RNF19A: variants seen among roughly 807,000 people sequenced by gnomAD.
RNF19A encodes the protein ring finger protein 19A, RBR E3 ubiquitin protein ligase, also known as E3 ubiquitin-protein ligase RNF19A.
A neutral mutation model predicts 75.7 loss-of-function variants in RNF19A; 32 were observed. The ratio of observed to expected loss-of-function variants is 0.42; its 90% CI spans 0.32 to 0.57. The LOEUF is 0.57. Ranked by LOEUF, RNF19A falls within the 20% of genes least tolerant of loss-of-function variation. RNF19A has a pLI of 0.10. For missense variants in RNF19A, 782 were observed against 1,036.3 expected (o/e 0.75, Z 3.37); for synonymous variants, 335 against 345.2 (o/e 0.97, Z 0.33).
chr8:100,303,403 T>C (rs1269115047), intron 1 of RNF19A: 1 of 152,234 alleles, frequency 6.6e-6, no homozygotes, highest in Non-Finnish European at 1.5e-5. Flanking sequence ...TGAGGCTACC[T>C]GGATAATCCA....
intron 1 of RNF19A, among the ~76,000 whole-genome samples, chr8:100,304,695 A>G (rs1041279093): frequency 6.6e-6 from 1 of 152,180 alleles, no homozygotes; most frequent in African/African-American, 2.4e-5. Flanking sequence ...GCCTCTCCTG[A>G]TTCTATTTAA....
chr8:100,273,132 G>A (rs1820339462), intron 3 of RNF19A, among the ~76,000 whole-genome samples: 1 of 152,152 alleles, frequency 6.6e-6, no homozygotes, highest in Admixed American at 6.5e-5. Context: ...CTCCCAAAGT[G>A]CTGGGATTAC....
Position 100,325,573 on chromosome 8 carries a change from C to G in RNF19A, c.-243+10535G>C, listed in dbSNP as rs1012307934. Among the ~76,000 whole-genome samples the G allele has an allele frequency of 6.6e-6, 1 of 152,136 alleles. No homozygotes were observed. The highest frequency in any genetic ancestry group is 1.5e-5 in the Non-Finnish European group (1 of 68,026). ...ATCTAGTTCTCTGCCCTCAGCAGCA[C>G]CACACCTCTAGCCTACGCCCTGGGT... is the stretch of plus-strand genomic sequence containing the variant. On this transcript the variant is annotated intron_variant, in intron 1 of 3. Transcript: ENST00000519527. The surrounding 1 kb of genome is among the most constrained non-coding windows in gnomAD (Gnocchi z 4.3).
rs999206846 is a variant in RNF19A, at chr8:100,317,735, G to T, written c.-242-4363C>A. On this transcript the variant is annotated intron_variant, in intron 1 of 3. Transcript: ENST00000519527. The surrounding 1 kb of genome is among the most constrained non-coding windows in gnomAD (Gnocchi z 4.3). ...GGATGAGGTTGGCTCACGAGGTCTAGAGTGGCAGGATGCACTGGGGCAGGA... is the reference window on the plus strand; with the variant it reads ...GGATGAGGTTGGCTCACGAGGTCTATAGTGGCAGGATGCACTGGGGCAGGA... 6.6e-5 allele frequency among the ~76,000 whole-genome samples: 10 copies of T among 152,234 alleles called. No individual in the cohort carries two copies. The highest frequency in any genetic ancestry group is 2.2e-4 in the African/African-American group (9 of 41,456).
chr8:100,268,584 G>A, intron 5 of RNF19A: 1 of 373,932 alleles, frequency 2.7e-6, no homozygotes, highest in Admixed American at 4.6e-5. Context: ...TTTAAAGCAA[G>A]TCTGCTTTAT....
intron 5 of RNF19A, among the ~76,000 whole-genome samples, chr8:100,265,448 T>C (rs1385218208): frequency 6.6e-6 from 1 of 151,230 alleles, no homozygotes; most frequent in Non-Finnish European, 1.5e-5. Context: ...AGGACAGGTG[T>C]TAATAAGTAG....
intron 2 of RNF19A, among the ~76,000 whole-genome samples, chr8:100,276,013 A>G (rs915391320): frequency 6.6e-6 from 1 of 152,158 alleles, no homozygotes; most frequent in African/African-American, 2.4e-5. Flanking sequence ...AGAACTGTAG[A>G]TTCATGACTA....
At chr8:100,327,407 A>G (rs1336472893) in intron 1 of RNF19A, among the ~76,000 whole-genome samples, 2 of 151,848 alleles carry the variant, frequency 1.3e-5, no homozygotes, top group African/African-American at 4.8e-5. Context: ...GTGTGCCACC[A>G]TGCCCAGCTA....
rs1031764585 is a variant in RNF19A at position 100,269,571 on chromosome 8, T to C, written c.1028+298A>G. ...CTCACTCTGTGCCTAAATGATAAAA[T>C]TTATGTATGGGAAAATTAAATGAAA... On this transcript the variant is annotated intron_variant, in intron 4 of 9. Coordinates refer to ENST00000341084, the MANE Select transcript of RNF19A (RefSeq NM_183419.4). The surrounding 1 kb of genome is among the most constrained non-coding windows in gnomAD (Gnocchi z 5.7). 2.0e-5 allele frequency among the ~76,000 whole-genome samples: 3 copies of C among 152,122 alleles called. No homozygotes were observed. Among genetic ancestry groups the C allele is most frequent in the Non-Finnish European group, 4.4e-5 (3 of 67,986 alleles).
chr8:100,259,155 TGCC>T lies in RNF19A; in HGVS notation c.1915_1917del (p.Gly639del). On this transcript the variant is annotated inframe_deletion, in exon 10 of 10. Transcript: ENST00000341084. This position sits in a 1 kb window ranked among gnomAD's most constrained non-coding sequence, Gnocchi z 4.5. ...CCGCCAGCATGACTTCGGGTGGCAC[TGCC>T]ATCATCCACACTACTGCTTCCACTG... 6.2e-7 allele frequency: 1 copy of T among 1,614,200 alleles called. No homozygotes were observed.
In RNF19A at chr8:100,325,481, G is replaced by A. The variant is rs1442311974; in HGVS notation, c.-243+10627C>T. On this transcript the variant is annotated intron_variant, in intron 1 of 3. Coordinates refer to the RNF19A transcript ENST00000519527. The surrounding 1 kb of genome is among the most constrained non-coding windows in gnomAD (Gnocchi z 4.3). Reference sequence around the variant, plus strand: ...TGAGACCACACCTTGTCACCTCTAGGTCCTCCCTTTTCAGTAAGTGACCTC... The same window carrying A: ...TGAGACCACACCTTGTCACCTCTAGATCCTCCCTTTTCAGTAAGTGACCTC... Among the ~76,000 whole-genome samples the A allele has an allele frequency of 6.6e-6, 1 of 152,018 alleles. No individual in the cohort carries two copies. Among genetic ancestry groups the A allele is most frequent in the Non-Finnish European group, 1.5e-5 (1 of 68,008 alleles).
intron 1 of RNF19A, among the ~76,000 whole-genome samples, chr8:100,293,220 C>T (rs1479755598): frequency 2.0e-5 from 3 of 152,196 alleles, no homozygotes; most frequent in African/African-American, 7.2e-5. Context: ...TCTTGTGGAT[C>T]CACTTTTCAT....
chr8:100,327,249 T>TTTTTTA (rs1272570791), intron 1 of RNF19A, among the ~76,000 whole-genome samples: 7 of 133,176 alleles, frequency 5.3e-5, no homozygotes, highest in Non-Finnish European at 1.1e-4. Context: ...TTACTTCTTT[T>TTTTTTA]TTTTTTTTTT....
intron 2 of RNF19A, among the ~76,000 whole-genome samples, chr8:100,279,113 A>G (rs1820660731): frequency 6.6e-6 from 1 of 152,208 alleles, no homozygotes; most frequent in Non-Finnish European, 1.5e-5. Context: ...ATAGAGAACA[A>G]GATTTTTGAG....
chr8:100,316,927 G>A (rs1755263777), intron 1 of RNF19A, among the ~76,000 whole-genome samples: 1 of 152,252 alleles, frequency 6.6e-6, no homozygotes, highest in African/African-American at 2.4e-5. Flanking sequence ...CCGCGGGAAG[G>A]CAGCTAAGGG....
chr8:100,295,362 AT>A (rs1821506510), intron 1 of RNF19A, among the ~76,000 whole-genome samples: 1 of 152,118 alleles, frequency 6.6e-6, no homozygotes, highest in Admixed American at 6.6e-5. Context: ...ATACCCAAAC[AT>A]TTTGGTAGAC....
In RNF19A at chr8:100,257,672, C is replaced by A; in HGVS notation, c.*884G>T. On this transcript the variant is annotated 3_prime_UTR_variant, in exon 10 of 10. Coordinates refer to ENST00000341084, the MANE Select transcript of RNF19A (RefSeq NM_183419.4). ...ATTTCCTGTATTTTTATATATAATC[C>A]AAGGTGACCAGAGAAGACATGGAAA... 1 of 224,052 alleles carries A rather than the reference C, an allele frequency of 4.5e-6. No homozygotes were observed. Among genetic ancestry groups the A allele is most frequent in the Non-Finnish European group, 8.6e-6 (1 of 116,050 alleles). 13.9% of individuals were successfully genotyped at this position (224,052 alleles called of 1,614,324 possible).
At chr8:100,310,898 C>A (rs1357311913), upstream of RNF19A, among the ~76,000 whole-genome samples, 2 of 149,500 alleles carry the variant, frequency 1.3e-5, no homozygotes, top group African/African-American at 4.9e-5. Flanking sequence ...TTGAATGTTT[C>A]AATCTACACT....
At chr8:100,270,386 C>A (rs1483129211) in intron 3 of RNF19A, among the ~76,000 whole-genome samples, 1 of 152,072 alleles carries the variant, frequency 6.6e-6, no homozygotes, top group Non-Finnish European at 1.5e-5. Context: ...CAGAACTTTT[C>A]TAACCATCTT....
Sources: allele counts gnomAD v4.1 joint callset (sites outside exome capture counted in the v4.1 genomes callset), GRCh38; gene constraint gnomAD v4.1.1; non-coding constraint Gnocchi (gnomAD v3.1); transcripts MANE v1.5; gene names NCBI Gene and HGNC (gene_info 2026-07-23, HGNC 2026-07-21).